Variants in CTNNA1 observed in about 807,000 individuals in gnomAD.
CTNNA1 encodes the protein catenin alpha 1, also known as catenin alpha-1.
In CTNNA1, 37 loss-of-function variants were observed where a neutral mutation model predicts 98.4. The observed-to-expected ratio is 0.38, with a 90% CI of 0.29 to 0.49. CTNNA1 has a LOEUF of 0.49. Ranked by LOEUF, CTNNA1 falls within the 20% of genes least tolerant of loss-of-function variation. The probability of loss-of-function intolerance (pLI) is 0.95; values close to 1 mark genes in which losing one functional copy is unlikely to be tolerated. For synonymous variants in CTNNA1, 404 were observed against 413.2 expected (o/e 0.98, Z 0.27); for missense variants, 761 against 1,147.2 (o/e 0.66, Z 4.86).
At chr5:138,785,093 G>A (rs1755529709) in intron 3 of CTNNA1, among the ~76,000 whole-genome samples, 1 of 143,468 alleles carries the variant, frequency 7.0e-6, no homozygotes, top group African/African-American at 2.6e-5. Context: ...ACGGAGTCTC[G>A]CTCTGTCGCC....
intron 4 of CTNNA1, among the ~76,000 whole-genome samples, chr5:138,811,510 C>T (rs568674075): frequency 0.01 from 1,389 of 135,476 alleles, 23 homozygotes; most frequent in African/African-American, 0.036. Flanking sequence ...ACTTCCCAGA[C>T]AGGGTGGCGG....
chr5:138,858,678 CT>C (rs1763971518), intron 7 of CTNNA1, among the ~76,000 whole-genome samples: 1 of 145,590 alleles, frequency 6.9e-6, no homozygotes, highest in Non-Finnish European at 1.5e-5. Flanking sequence ...TCACTGCAAC[CT>C]CCGCCTCCCG....
chr5:138,926,864 T>G (rs1169751948), intron 13 of CTNNA1, among the ~76,000 whole-genome samples: 5 of 152,086 alleles, frequency 3.3e-5, no homozygotes, highest in African/African-American at 1.2e-4. Flanking sequence ...AGAGGCCGAC[T>G]CTCCTAAGTT....
At chr5:138,778,160 A>ATT (rs79471391) in intron 1 of CTNNA1, among the ~76,000 whole-genome samples, 3 of 150,370 alleles carry the variant, frequency 2.0e-5, no homozygotes, top group Admixed American at 6.6e-5. Flanking sequence ...CGCCCGGCTA[A>ATT]TTTTTTGGTA....
intron 7 of CTNNA1, among the ~76,000 whole-genome samples, chr5:138,852,089 T>A (rs1246703069): frequency 2.0e-5 from 3 of 151,876 alleles, no homozygotes; most frequent in Non-Finnish European, 4.4e-5. Context: ...AAAAAATAAA[T>A]AAATAAATAA....
rs1351960378 is a variant in CTNNA1 at position 138,873,065 on chromosome 5, TTAA to T, written c.1063-13145_1063-13143del. On this transcript the variant is annotated intron_variant, in intron 7 of 17. Coordinates refer to ENST00000302763, the MANE Select transcript of CTNNA1 (RefSeq NM_001903.5). This position sits in a 1 kb window ranked among gnomAD's most constrained non-coding sequence, Gnocchi z 6.1. ...CTGACACTTGCACTGTCCATAACCATTAATGATGATGAAGGGTCCTTCATGGGT... is the reference window on the plus strand; with the variant it reads ...CTGACACTTGCACTGTCCATAACCATTGATGATGAAGGGTCCTTCATGGGT... The T allele has an allele frequency of 1.9e-6, 3 of 1,613,974 alleles. No homozygotes were observed. The highest frequency in any genetic ancestry group is 2.5e-6 in the Non-Finnish European group (3 of 1,179,860).
At chr5:138,848,505 C>T (rs1239219102) in intron 7 of CTNNA1, among the ~76,000 whole-genome samples, 1 of 152,134 alleles carries the variant, frequency 6.6e-6, no homozygotes, top group Non-Finnish European at 1.5e-5. Flanking sequence ...CCCTTTTCTT[C>T]TCTCTTCTTT....
chr5:138,844,075 A>T (rs1288181066), intron 7 of CTNNA1, among the ~76,000 whole-genome samples: 1 of 112,328 alleles, frequency 8.9e-6, no homozygotes, highest in African/African-American at 3.2e-5. Context: ...TTTTTAAACC[A>T]AAGTGGAAGC....
Position 138,932,417 on chromosome 5 carries a change from T to C in CTNNA1, c.2299-161T>C, listed in dbSNP as rs371642867. The C allele has an allele frequency of 1.5e-5, 22 of 1,442,086 alleles. 1 individual carries two copies. Among genetic ancestry groups the C allele is most frequent in the Admixed American group, 1.1e-4 (4 of 37,648 alleles). The allele number at this position is 1,442,086 out of a possible 1,614,324, so 89.3% of individuals were successfully genotyped here. A position where few individuals can be genotyped will look rare whatever the true frequency, so the allele number is the denominator to read the frequency against. On this transcript the variant is annotated intron_variant, in intron 16 of 17. Coordinates refer to ENST00000302763, the MANE Select transcript of CTNNA1 (RefSeq NM_001903.5). The stretch of plus-strand genomic sequence containing the variant: ...CCCGCCTCCATCCCCAAGCAGAGTG[T>C]AGGCAAGGGCTGTGACTGCCTCAGG...
chr5:138,842,697 C>T (rs143985812), intron 7 of CTNNA1, among the ~76,000 whole-genome samples: 313 of 152,276 alleles, frequency 2.1e-3, no homozygotes, highest in African/African-American at 7.0e-3. Context: ...AGAAGCTTAG[C>T]GTTGCAGTAA....
At chr5:138,916,177 C>CAAAAAAAAAG (rs1761702570) in intron 10 of CTNNA1, among the ~76,000 whole-genome samples, 1 of 115,128 alleles carries the variant, frequency 8.7e-6, no homozygotes, top group Admixed American at 8.7e-5. Context: ...TTAGTGGTTG[C>CAAAAAAAAAG]AAAAAAAAAA....
intron 7 of CTNNA1, chr5:138,871,082 T>A (rs1750544735): frequency 1.3e-5 from 2 of 152,202 alleles, no homozygotes; most frequent in South Asian, 4.1e-4. Context: ...AAGGTACCCA[T>A]CTCTTAGTAT....
chr5:138,825,883 GT>G (rs1477266444), intron 6 of CTNNA1, among the ~76,000 whole-genome samples: 1 of 152,082 alleles, frequency 6.6e-6, no homozygotes, highest in African/African-American at 2.4e-5. Flanking sequence ...TAGCAATGTT[GT>G]TTTTCCCCCC....
intron 4 of CTNNA1, among the ~76,000 whole-genome samples, chr5:138,811,158 G>T (rs1206214880): frequency 3.3e-5 from 5 of 151,578 alleles, no homozygotes; most frequent in African/African-American, 7.3e-5. Flanking sequence ...TCACTTCTCA[G>T]ATGGGGCGGT....
intron 5 of CTNNA1, 68 bp from the exon 6 acceptor site, chr5:138,824,462 G>T: frequency 6.5e-7 from 1 of 1,529,992 alleles, no homozygotes; most frequent in Non-Finnish European, 8.8e-7. Context: ...GCATTTACCA[G>T]CAAATTTTTA....
intron 1 of CTNNA1, among the ~76,000 whole-genome samples, chr5:138,755,924 G>A (rs1355502936): frequency 7.6e-6 from 1 of 130,806 alleles, no homozygotes; most frequent in Non-Finnish European, 1.6e-5. Flanking sequence ...TCAGTGAGGT[G>A]ATCTCAGTTC....
At chr5:138,786,769 C>G (rs1213829705) in intron 3 of CTNNA1, among the ~76,000 whole-genome samples, 1 of 152,196 alleles carries the variant, frequency 6.6e-6, no homozygotes, top group Non-Finnish European at 1.5e-5. Flanking sequence ...AGCAGATCCT[C>G]CACCTCCAGT....
At chr5:138,864,900 C>T (rs757908318) in intron 7 of CTNNA1, among the ~76,000 whole-genome samples, 5 of 152,006 alleles carry the variant, frequency 3.3e-5, no homozygotes, top group South Asian at 2.1e-4. Flanking sequence ...CTACAACCTC[C>T]GCCTTCCAGG....
At chr5:138,868,185 C>T (rs988866745) in intron 7 of CTNNA1, among the ~76,000 whole-genome samples, 1 of 152,066 alleles carries the variant, frequency 6.6e-6, no homozygotes, top group African/African-American at 2.4e-5. Flanking sequence ...ATGGACTGAC[C>T]GTTTATGTTA....
Sources: allele counts gnomAD v4.1 joint callset (sites outside exome capture counted in the v4.1 genomes callset), GRCh38; gene constraint gnomAD v4.1.1; non-coding constraint Gnocchi (gnomAD v3.1); transcripts MANE v1.5; gene names NCBI Gene and HGNC (gene_info 2026-07-23, HGNC 2026-07-21).